WBP4: variants seen among roughly 807,000 people sequenced by gnomAD.
WBP4 encodes the protein WW domain binding protein 4, also known as WW domain-binding protein 4.
In WBP4, 37 loss-of-function variants were observed where a neutral mutation model predicts 55.4. That is an observed-to-expected ratio of 0.67 (90% CI 0.51 to 0.88). The LOEUF (loss-of-function observed/expected upper bound fraction) is 0.88, where lower values mean the gene tolerates loss of function less well. Ranked by LOEUF, WBP4 falls within the 40% of genes least tolerant of loss-of-function variation. The pLI is 0.00. For missense variants in WBP4, 398 were observed against 420.8 expected (o/e 0.95, Z 0.47); for synonymous variants, 142 against 140.2 (o/e 1.01, Z -0.09).
At chr13:41,072,588 A>T (rs1283995140) in intron 6 of WBP4, among the ~76,000 whole-genome samples, 194 bp from the exon 7 acceptor site, 1 of 152,226 alleles carries the variant, frequency 6.6e-6, no homozygotes, top group Non-Finnish European at 1.5e-5. Context: ...CACCCCTGTG[A>T]TGCAGTCACC....
chr13:41,066,128 C>T (rs1465844759), intron 4 of WBP4, among the ~76,000 whole-genome samples: 2 of 152,050 alleles, frequency 1.3e-5, no homozygotes, highest in African/African-American at 4.8e-5. Context: ...GAGGATAAAG[C>T]CATATGTTCA....
chr13:41,067,939 A>G (rs1418246105), intron 4 of WBP4, among the ~76,000 whole-genome samples: 4 of 152,090 alleles, frequency 2.6e-5, no homozygotes, highest in Non-Finnish European at 4.4e-5. Flanking sequence ...TATTTAATAA[A>G]AAGGGGGGAA....
intron 1 of WBP4, among the ~76,000 whole-genome samples, chr13:41,062,391 G>C (rs1013420988): frequency 6.6e-6 from 1 of 152,096 alleles, no homozygotes; most frequent in African/African-American, 2.4e-5. Context: ...ACGATAACAA[G>C]TGAGGAATTT....
chr13:41,082,655 C>G, intron 9 of WBP4, 49 bp from the exon 10 acceptor site: 1 of 1,566,002 alleles, frequency 6.4e-7, no homozygotes, highest in Non-Finnish European at 8.7e-7. Context: ...TATATGAAAA[C>G]GTTTGTCTTA....
chr13:41,066,410 C>G (rs946580000), intron 4 of WBP4, among the ~76,000 whole-genome samples: 1 of 152,100 alleles, frequency 6.6e-6, no homozygotes, highest in African/African-American at 2.4e-5. Context: ...CAGACCTCTT[C>G]TTTAGATCTT....
At position 41,083,145 on chromosome 13, in the gene WBP4, A is replaced by G; in HGVS notation, c.*231A>G. ...AGTGTATTATGTTCAGTGTCTAAAAACTGCTAATTAAGTCATAATTTAAGA... is the reference window on the plus strand; with the variant it reads ...AGTGTATTATGTTCAGTGTCTAAAAGCTGCTAATTAAGTCATAATTTAAGA... On this transcript the variant is annotated 3_prime_UTR_variant, in exon 10 of 10. Transcript: ENST00000379487. 1 of 392,688 alleles carries G rather than the reference A, an allele frequency of 2.5e-6. No individual in the cohort carries two copies. Among genetic ancestry groups the G allele is most frequent in the Non-Finnish European group, 4.6e-6 (1 of 218,914 alleles). 24.3% of individuals were successfully genotyped at this position (392,688 alleles called of 1,614,324 possible). A position where few individuals can be genotyped will look rare whatever the true frequency, so the allele number is the denominator to read the frequency against.
At chr13:41,080,992 G>A (rs764392176) in intron 9 of WBP4, among the ~76,000 whole-genome samples, 183 bp downstream of exon 9, 2 of 152,086 alleles carry the variant, frequency 1.3e-5, no homozygotes. Flanking sequence ...GAGGTCAAGA[G>A]ATGAGACCAT....
At chr13:41,078,139 A>C (rs1593433388) in intron 8 of WBP4, among the ~76,000 whole-genome samples, 1 of 152,328 alleles carries the variant, frequency 6.6e-6, no homozygotes, top group East Asian at 1.9e-4. Context: ...TAGAAAAGCC[A>C]ATTCTGAAAT....
intron 1 of WBP4, among the ~76,000 whole-genome samples, chr13:41,061,887 C>T (rs990184363): frequency 3.3e-5 from 5 of 151,948 alleles, no homozygotes; most frequent in African/African-American, 1.2e-4. Context: ...GTATGGGGCA[C>T]GGGCTCTAGG....
chr13:41,068,582 CACCAGTA>C lies in WBP4; in HGVS notation c.290_296del (p.Val97AlafsTer31). The C allele has an allele frequency of 6.2e-7, 1 of 1,606,720 alleles. No individual in the cohort carries two copies. The highest frequency in any genetic ancestry group is 8.5e-7 in the Non-Finnish European group (1 of 1,177,502). ...TTAGAAATTTTGGAGCCAAGCATAACACCAGTAACCAGCACTATCCCACCTACCTCGA... is the reference window on the plus strand; with the variant it reads ...TTAGAAATTTTGGAGCCAAGCATAACACCAGCACTATCCCACCTACCTCGA... On this transcript the variant is annotated frameshift_variant, in exon 5 of 10. Coordinates refer to ENST00000379487, the MANE Select transcript of WBP4 (RefSeq NM_007187.5). LOFTEE classifies it high-confidence loss of function.
At chr13:41,077,001 G>A (rs1191413187) in intron 8 of WBP4, among the ~76,000 whole-genome samples, 1 of 152,124 alleles carries the variant, frequency 6.6e-6, no homozygotes, top group Non-Finnish European at 1.5e-5. Flanking sequence ...CAAAATGAAT[G>A]TGTTCCAACA....
At position 41,082,911 on chromosome 13, in the gene WBP4, A is replaced by G. The variant is rs1413108413; in HGVS notation, c.1128A>G (p.Gln376=). Residue 376 remains glutamine, a synonymous_variant, in exon 10 of 10, where the codon CAA becomes CAG. Coordinates refer to ENST00000379487, the MANE Select transcript of WBP4 (RefSeq NM_007187.5). ...ATTTAAGGCAACGAGGTGATGATCAATAGTTGCAGGAGAGCTTTTTGTACA... is the reference window on the plus strand; with the variant it reads ...ATTTAAGGCAACGAGGTGATGATCAGTAGTTGCAGGAGAGCTTTTTGTACA... The part of the protein sequence containing the change: ...SRNLRQRGDD[Q] The G allele has an allele frequency of 2.5e-6, 4 of 1,613,878 alleles. No homozygotes were observed. Among genetic ancestry groups the G allele is most frequent in the Non-Finnish European group, 3.4e-6 (4 of 1,179,962 alleles).
chr13:41,065,582 T>C (rs889078740), intron 4 of WBP4, among the ~76,000 whole-genome samples: 2 of 152,172 alleles, frequency 1.3e-5, no homozygotes, highest in Non-Finnish European at 2.9e-5. Flanking sequence ...ACTTTGAGTT[T>C]TTTAGGTATT....
intron 5 of WBP4, among the ~76,000 whole-genome samples, chr13:41,071,115 T>C (rs1470069655): frequency 6.6e-6 from 1 of 152,228 alleles, no homozygotes; most frequent in East Asian, 1.9e-4. Context: ...TATATACTCT[T>C]CCTCTCCATG....
rs202053932 is a variant in WBP4, at chr13:41,080,753, T to C, written c.864T>C (p.Leu288=). 27 of 1,607,474 alleles carry C rather than the reference T, an allele frequency of 1.7e-5. No homozygotes were observed. The highest frequency in any genetic ancestry group is 2.1e-5 in the Non-Finnish European group (25 of 1,178,614). The part of the protein sequence containing the change: ...LGSNEEKSKT[L]KKSNPYGEWQ... ...CAAATGAAGAAAAATCGAAAACTCT[T>C]AAGAAATCAAACCCATATGGAGAAT... The change falls in exon 9 of 10, where the codon CTT becomes CTC. Residue 288 remains leucine (L), a synonymous_variant. Transcript: ENST00000379487.
intron 4 of WBP4, among the ~76,000 whole-genome samples, chr13:41,066,552 G>A (rs1431749168): frequency 4.6e-5 from 7 of 152,060 alleles, no homozygotes; most frequent in Admixed American, 2.0e-4. Context: ...AGCAGACTTT[G>A]GAGTCAAGCA....
chr13:41,067,486 A>G (rs1878024890), intron 4 of WBP4, among the ~76,000 whole-genome samples: 1 of 152,076 alleles, frequency 6.6e-6, no homozygotes, highest in Non-Finnish European at 1.5e-5. Context: ...TTCAAGACCA[A>G]CCTAGCAAGA....
Position 41,070,883 on chromosome 13 carries a change from T to TTA in WBP4, c.440-644_440-643insTA, listed in dbSNP as rs1372982874. On this transcript the variant is annotated intron_variant, in intron 5 of 9. Coordinates refer to ENST00000379487, the MANE Select transcript of WBP4 (RefSeq NM_007187.5). ...CTAACAATCTTACTGTAATGACTATTATCATTAGGATCATAATTACCTTTG... is the reference window on the plus strand; with the variant it reads ...CTAACAATCTTACTGTAATGACTATTTAATCATTAGGATCATAATTACCTTTG... Among the ~76,000 whole-genome samples the TTA allele has an allele frequency of 6.6e-5, 10 of 152,298 alleles. No individual in the cohort carries two copies. The East Asian group carries it at 1.9e-3, about 29-fold the overall frequency.
At chr13:41,072,616 T>C (rs548024528) in intron 6 of WBP4, among the ~76,000 whole-genome samples, 166 bp from the exon 7 acceptor site, 19 of 152,166 alleles carry the variant, frequency 1.2e-4, no homozygotes, top group Non-Finnish European at 2.5e-4. Context: ...AGGCCCCATC[T>C]CCAACTTGGA....
Sources: allele counts gnomAD v4.1 joint callset (sites outside exome capture counted in the v4.1 genomes callset), GRCh38; gene constraint gnomAD v4.1.1; transcripts MANE v1.5; gene names NCBI Gene and HGNC (gene_info 2026-07-23, HGNC 2026-07-21).